The following IRF7 variants were observed in gnomAD, a reference collection of about 807,000 sequenced individuals.
The protein encoded by IRF7 is interferon regulatory factor 7.
A neutral mutation model predicts 51.3 loss-of-function variants in IRF7; 67 were observed. That is an observed-to-expected ratio of 1.31 (90% CI 1.07 to 1.60). The LOEUF is 1.60. Among genes scored for constraint, IRF7 ranks in the 40% most tolerant of loss-of-function variants. IRF7 has a pLI of 0.00. For missense variants in IRF7, 873 were observed against 701.5 expected, an observed-to-expected ratio of 1.24 and a Z score of -2.76; for synonymous variants, 427 against 301.3, an observed-to-expected ratio of 1.42 and a Z score of -4.32.
Position 612,594 on chromosome 11 carries a change from C to T in IRF7, c.*51G>A, listed in dbSNP as rs750863347. ...TTTTATTAGACTGGGCGGCCGCGGC[C>T]AGCTCTAGGTGGGCTGCTCCAGCTT... On this transcript the variant is annotated 3_prime_UTR_variant, in exon 11 of 11. Transcript: ENST00000525445. The T allele has an allele frequency of 1.2e-4, 197 of 1,599,708 alleles. 1 individual carries two copies. The highest frequency in any genetic ancestry group is 1.6e-4 in the Non-Finnish European group (189 of 1,172,542).
chr11:612,974 C>G (rs1343999829), intron 10 of IRF7, 25 bp downstream of exon 10: 3 of 1,609,304 alleles, frequency 1.9e-6, no homozygotes, highest in Non-Finnish European at 2.5e-6. Context: ...CACATGGCCT[C>G]CCCTCCTTGA....
At position 613,472 on chromosome 11, in the gene IRF7, G is replaced by A; in HGVS notation, c.971C>T (p.Thr324Ile). Reference protein sequence around the residue: ...YGPPDPAVRATDPQQVAFPSP... With the variant: ...YGPPDPAVRAIDPQQVAFPSP... ...GGGGAATGCTACCTGCTGGGGGTCT[G>A]TGGCCCGGACAGCTGGGTCTGGGGG... is the stretch of plus-strand genomic sequence containing the variant. The change falls in exon 9 of 11, where the codon ACA (threonine) becomes ATA (isoleucine). Residue 324 changes from threonine to isoleucine, a missense_variant. By Grantham distance (89) the Thr-to-Ile change is moderately conservative (BLOSUM62 -1). Transcript: ENST00000525445. 3.2e-6 allele frequency: 5 copies of A among 1,545,610 alleles called. No homozygotes were observed. The highest frequency in any genetic ancestry group is 4.4e-6 in the Non-Finnish European group (5 of 1,147,208).
chr11:614,142 C>G, intron 6 of IRF7, 32 bp downstream of exon 6: 1 of 1,599,190 alleles, frequency 6.3e-7, no homozygotes, highest in East Asian at 2.3e-5. Context: ...TGGCCCCTCC[C>G]GCGCTCCCCC....
Position 614,218 on chromosome 11 carries a change from C to G in IRF7, c.635G>C (p.Gly212Ala). The change falls in exon 6 of 11, where the codon GGA becomes GCA. Residue 212 changes from glycine to alanine, a missense_variant. Coordinates refer to ENST00000525445, the MANE Select transcript of IRF7 (RefSeq NM_001572.5). ...CAGGGGAAGCCCTTCTTGTCCCTCT[C>G]CAGGAGCCTTGGTTGGGACTGGATC... is the stretch of plus-strand genomic sequence containing the variant. ...GADPVPTKAP[G>A]EGQEGLPLTG... 1 of 1,613,076 alleles carries G rather than the reference C, an allele frequency of 6.2e-7. No homozygotes were observed. The highest frequency in any genetic ancestry group is 8.5e-7 in the Non-Finnish European group (1 of 1,179,950).
Position 615,552 on chromosome 11 carries a change from G to A in IRF7, c.-188C>T, listed in dbSNP as rs1185620539. The A allele has an allele frequency of 8.4e-6, 5 of 597,590 alleles. No individual in the cohort carries two copies. The highest frequency in any genetic ancestry group is 3.4e-5 in the Admixed American group (1 of 29,092). The allele number at this position is 597,590 out of a possible 1,614,324, so 37.0% of individuals were successfully genotyped here. ...CGGTATGGATCTCTTGGCAGAGGGG[G>A]CTACAGGTGTGACTGCAGGTGTGGC... On this transcript the variant is annotated 5_prime_UTR_variant, in exon 2 of 11. Coordinates refer to ENST00000525445, the MANE Select transcript of IRF7 (RefSeq NM_001572.5).
rs186809239 is a variant in IRF7, at chr11:614,563, C to A, written c.395-29G>T. 1.4e-5 allele frequency: 21 copies of A among 1,550,038 alleles called. No homozygotes were observed. In the African/African-American group the frequency reaches 2.7e-4, roughly 20 times the overall value. On this transcript the variant is annotated intron_variant, in intron 4 of 10. Transcript: ENST00000525445. ...AGAGAGAATGGGGCAGGCGTTAGGC[C>A]CCGACACCAGAGTGAGAGATACAAG...
chr11:613,250 C>T lies in IRF7; in HGVS notation c.1193G>A (p.Arg398Gln), dbSNP rs768248464. The T allele has an allele frequency of 3.9e-5, 63 of 1,597,540 alleles. No individual in the cohort carries two copies. Among genetic ancestry groups the T allele is most frequent in the Non-Finnish European group, 5.0e-5 (59 of 1,172,740 alleles). Residue 398 changes from arginine (R) to glutamine (Q), a missense_variant, in exon 9 of 11, where the codon CGG becomes CAG. Physicochemically the swap from Arg to Gln is conservative, Grantham distance 43. Coordinates refer to ENST00000525445, the MANE Select transcript of IRF7 (RefSeq NM_001572.5). ...SPSTPACLLP[R>Q]NCDTPIFDFR... ...GTCGAAGATGGGGGTGTCACAGTTC[C>T]GAGGCAGCAGGCAGGCTGGGGTGGA...
chr11:614,511 C>G lies in IRF7; in HGVS notation c.418G>C (p.Glu140Gln), dbSNP rs757640469. The G allele has an allele frequency of 1.4e-5, 22 of 1,557,058 alleles. No individual in the cohort carries two copies. The highest frequency in any genetic ancestry group is 1.8e-5 in the Non-Finnish European group (21 of 1,150,120). The change falls in exon 5 of 11, where the codon GAG becomes CAG. Residue 140 changes from glutamate (E) to glutamine (Q), a missense_variant. Coordinates refer to ENST00000525445, the MANE Select transcript of IRF7 (RefSeq NM_001572.5). ...WREGPGTDQT[E>Q]AEAPAAVPPP... is the part of the protein sequence containing the mutation. ...GGGACAGCTGCGGGGGCCTCTGCCT[C>G]AGTCTGGTCCGTGCCTGGGCCTTCT... is the stretch of plus-strand genomic sequence containing the variant.
chr11:615,042 GCGGGGTCC>G (rs1856751450), intron 3 of IRF7, 35 bp from the exon 4 acceptor site: 1 of 1,548,554 alleles, frequency 6.5e-7, no homozygotes. Flanking sequence ...TGCCGGGCCC[GCGGGGTCC>G]TAGGCGGGCT....
intron 10 of IRF7, 42 bp downstream of exon 10, chr11:612,957 G>GACAGA: frequency 6.2e-7 from 1 of 1,600,842 alleles, no homozygotes; most frequent in Non-Finnish European, 8.5e-7. Context: ...CTGTCAGTGG[G>GACAGA]CCTGAGCACA....
In IRF7 at chr11:615,433, C is replaced by G; in HGVS notation, c.-69G>C. 1 of 1,434,092 alleles carries G rather than the reference C, an allele frequency of 7.0e-7. No individual in the cohort carries two copies. Among genetic ancestry groups the G allele is most frequent in the Non-Finnish European group, 9.1e-7 (1 of 1,093,404 alleles). The allele number at this position is 1,434,092 out of a possible 1,614,324, so 88.8% of individuals were successfully genotyped here. A position where few individuals can be genotyped will look rare whatever the true frequency, so the allele number is the denominator to read the frequency against. On this transcript the variant is annotated 5_prime_UTR_variant, in exon 2 of 11. Transcript: ENST00000525445. ...ACAGGGGAGGTAAGGGCTCCTGTCG[C>G]AGCAGACGCCAGGCCGCGGCCACAG...
In IRF7 at chr11:614,878, A is replaced by G; in HGVS notation, c.313T>C (p.Phe105Leu). Residue 105 changes from phenylalanine (F) to leucine (L), a missense_variant, in exon 4 of 11, where the codon TTC becomes CTC. Transcript: ENST00000525445. ...FRCALRSTRR[F>L]VMLRDNSGDP... Reference sequence around the variant, plus strand: ...CCCGAGTTATCCCGCAGCATCACGAAGCGACGCGTGCTGCGCAGTGCGCAG... The same window carrying G: ...CCCGAGTTATCCCGCAGCATCACGAGGCGACGCGTGCTGCGCAGTGCGCAG... The G allele has an allele frequency of 1.3e-6, 2 of 1,580,866 alleles. No individual in the cohort carries two copies. Among genetic ancestry groups the G allele is most frequent in the Non-Finnish European group, 1.7e-6 (2 of 1,165,474 alleles).
rs1856683053 is a variant in IRF7, at chr11:614,303, G to A, written c.550C>T (p.Leu184Phe). The change falls in exon 6 of 11, where the codon CTC (leucine) becomes TTC (phenylalanine). Residue 184 changes from leucine (L) to phenylalanine (F), a missense_variant. Coordinates refer to ENST00000525445, the MANE Select transcript of IRF7 (RefSeq NM_001572.5). ...APAGDKGDLL[L>F]QAVQQSCLAD... ...AGGCAGCTCTGTTGCACTGCCTGGA[G>A]CAGGAGGTCCCCCTTGTCACCAGCT... 6.2e-7 allele frequency: 1 copy of A among 1,611,806 alleles called. No homozygotes were observed. The highest frequency in any genetic ancestry group is 1.3e-5 in the African/African-American group (1 of 74,910).
chr11:613,622 C>T (rs777496597), intron 8 of IRF7, 27 bp from the exon 9 acceptor site: 4 of 949,004 alleles, frequency 4.2e-6, no homozygotes, highest in Non-Finnish European at 2.7e-6. Flanking sequence ...CTGTGAGTGA[C>T]GGGGGTGGGC....
Position 613,494 on chromosome 11 carries a change from G to C in IRF7, c.949C>G (p.Pro317Ala). 6.5e-7 allele frequency: 1 copy of C among 1,543,762 alleles called. No individual in the cohort carries two copies. Among genetic ancestry groups the C allele is most frequent in the Non-Finnish European group, 8.7e-7 (1 of 1,147,088 alleles). Residue 317 changes from proline to alanine, a missense_variant, in exon 9 of 11, where the codon CCA (proline) becomes GCA (alanine). Coordinates refer to ENST00000525445, the MANE Select transcript of IRF7 (RefSeq NM_001572.5). ...HPSCTFLYGP[P>A]DPAVRATDPQ... ...TCTGTGGCCCGGACAGCTGGGTCTGGGGGGCCGTATAGGAACGTGCAGCTC... is the reference window on the plus strand; with the variant it reads ...TCTGTGGCCCGGACAGCTGGGTCTGCGGGGCCGTATAGGAACGTGCAGCTC...
chr11:613,743 G>A (rs756384618), intron 8 of IRF7, 42 bp downstream of exon 8: 1 of 1,426,806 alleles, frequency 7.0e-7, no homozygotes, highest in Non-Finnish European at 9.2e-7. Context: ...TGAGTGACGG[G>A]GGTGGGCGGG....
At position 613,534 on chromosome 11, in the gene IRF7, C is replaced by A; in HGVS notation, c.909G>T (p.Lys303Asn). 1.9e-6 allele frequency: 3 copies of A among 1,572,540 alleles called. No individual in the cohort carries two copies. The highest frequency in any genetic ancestry group is 1.7e-6 in the Non-Finnish European group (2 of 1,160,894). The change falls in exon 9 of 11, where the codon AAG (lysine) becomes AAT (asparagine). Residue 303 changes from lysine to asparagine, a missense_variant. By Grantham distance (94) the Lys-to-Asn change is moderately conservative (BLOSUM62 0). Coordinates refer to ENST00000525445, the MANE Select transcript of IRF7 (RefSeq NM_001572.5). ...IMYKGRTVLQKVVGHPSCTFL... is the reference protein window; with the variant it reads ...IMYKGRTVLQNVVGHPSCTFL... ...ACGTGCAGCTCGGGTGTCCCACCAC[C>A]TTCTGCAGCACCGTGCGGCCCTTGT...
rs1217444154 is a variant in IRF7 at position 615,071 on chromosome 11, G to C, written c.183+26C>G. 7 of 1,559,912 alleles carry C rather than the reference G, an allele frequency of 4.5e-6. No homozygotes were observed. The African/African-American group carries it at 8.1e-5, about 18-fold the overall frequency. On this transcript the variant is annotated intron_variant, in intron 3 of 10. Transcript: ENST00000525445. ...GGTCCTAGGCGGGCTCTCCCACCCG[G>C]GGCGGGGCGGGGCTGGGGTCCCCAC...
At chr11:613,671 GAT>G (rs1856596387) in intron 8 of IRF7, 76 bp from the exon 9 acceptor site, 1 of 276,330 alleles carries the variant, frequency 3.6e-6, no homozygotes, top group African/African-American at 7.7e-5. Flanking sequence ...GCGGGGACAG[GAT>G]GTGAGTGACG....
Sources: allele counts gnomAD v4.1 joint callset, GRCh38; gene constraint gnomAD v4.1.1; transcripts MANE v1.5; gene names NCBI Gene and HGNC (gene_info 2026-07-23, HGNC 2026-07-21).